SLAIN2: variants seen among roughly 807,000 people sequenced by gnomAD.
SLAIN2 encodes SLAIN family member 2.
In SLAIN2, 31 loss-of-function variants were observed where a neutral mutation model predicts 56.6. The ratio of observed to expected loss-of-function variants is 0.55; its 90% confidence interval spans 0.41 to 0.74. The LOEUF (loss-of-function observed/expected upper bound fraction) is 0.74, where lower values mean the gene tolerates loss of function less well. Ranked by LOEUF, SLAIN2 falls within the 30% of genes least tolerant of loss-of-function variation. The probability of loss-of-function intolerance (pLI) is 0.00; values close to 1 mark genes in which losing one functional copy is unlikely to be tolerated. For missense variants in SLAIN2, 777 were observed against 754.2 expected (o/e 1.03, Z -0.35); for synonymous variants, 317 against 284.9 (o/e 1.11, Z -1.13).
At chr4:48,397,485 G>T (rs1716431598) in intron 6 of SLAIN2, among the ~76,000 whole-genome samples, 1 of 152,148 alleles carries the variant, frequency 6.6e-6, no homozygotes. Context: ...AGACCTTAAT[G>T]ATAAGATTTT....
At chr4:48,377,325 A>G (rs1376226134) in intron 2 of SLAIN2, among the ~76,000 whole-genome samples, 2 of 139,484 alleles carry the variant, frequency 1.4e-5, no homozygotes, top group Admixed American at 1.5e-4. Context: ...ATGCACCACC[A>G]TGCCTGGCTA....
intron 3 of SLAIN2, 25 bp downstream of exon 3, chr4:48,378,085 A>G (rs767512217): frequency 6.2e-7 from 1 of 1,604,514 alleles, no homozygotes; most frequent in Admixed American, 1.8e-5. Flanking sequence ...ATATGGAGCT[A>G]TTAAGGAATG....
chr4:48,363,981 C>T (rs1715431581), intron 1 of SLAIN2, among the ~76,000 whole-genome samples: 2 of 129,474 alleles, frequency 1.5e-5, no homozygotes, highest in South Asian at 2.9e-4. Flanking sequence ...GGCTGACCCC[C>T]CCCACCTCCC....
chr4:48,392,329 A>G (rs1716254622), intron 6 of SLAIN2, among the ~76,000 whole-genome samples: 1 of 152,210 alleles, frequency 6.6e-6, no homozygotes, highest in African/African-American at 2.4e-5. Flanking sequence ...TGTTATTACA[A>G]TCACATGTGA....
chr4:48,395,468 A>AG lies in SLAIN2; in HGVS notation c.1360+11684_1360+11685insG, dbSNP rs1716352564. On this transcript the variant is annotated intron_variant, in intron 6 of 7. Transcript: ENST00000264313. ...TTGAAAAAAAAAAGGAAAAGAAAAA[A>AG]TTTGGTTACGTTTACAAAAGTGCTA... 6.6e-5 allele frequency among the ~76,000 whole-genome samples: 10 copies of AG among 152,192 alleles called. No individual in the cohort carries two copies. The South Asian group carries it at 2.1e-3, about 32-fold the overall frequency.
intron 6 of SLAIN2, among the ~76,000 whole-genome samples, chr4:48,405,639 T>G (rs1349334675): frequency 2.6e-5 from 4 of 152,156 alleles, no homozygotes; most frequent in Admixed American, 6.5e-5. Context: ...TAGTAGTGCT[T>G]CTTTATCCAA....
intron 6 of SLAIN2, among the ~76,000 whole-genome samples, chr4:48,391,654 G>T (rs1014343118): frequency 5.3e-5 from 8 of 152,098 alleles, no homozygotes; most frequent in African/African-American, 1.7e-4. Context: ...AGAGTGAAAA[G>T]GATTAACTAT....
chr4:48,376,456 GAAA>G (rs143849551), intron 2 of SLAIN2, among the ~76,000 whole-genome samples: 59,194 of 127,446 alleles, frequency 0.46, 13,167 homozygotes, highest in African/African-American at 0.58. Context: ...TTGTCTCAGA[GAAA>G]AAAAAAAAAA....
chr4:48,364,429 C>T (rs200843871), intron 1 of SLAIN2, among the ~76,000 whole-genome samples: 2,665 of 34,886 alleles, frequency 0.076, 62 homozygotes, highest in South Asian at 0.16. Flanking sequence ...ACATCCCAGA[C>T]GATGGGCGGC....
intron 2 of SLAIN2, 99 bp downstream of exon 2, chr4:48,370,096 G>A: frequency 8.1e-7 from 1 of 1,232,008 alleles, no homozygotes; most frequent in Non-Finnish European, 1.1e-6. Context: ...ATTCTTTGGA[G>A]CATTTTTCAA....
At chr4:48,369,808 G>A (rs1715616999) in intron 1 of SLAIN2, 41 bp from the exon 2 acceptor site, 20 of 1,588,952 alleles carry the variant, frequency 1.3e-5, no homozygotes, top group Middle Eastern at 1.7e-4. Flanking sequence ...ATAACCTTGT[G>A]CTTAATAAGG....
At chr4:48,359,524 A>G (rs1715258745) in intron 1 of SLAIN2, among the ~76,000 whole-genome samples, 1 of 152,210 alleles carries the variant, frequency 6.6e-6, no homozygotes, top group Admixed American at 6.5e-5. Flanking sequence ...TCCTCTCCCC[A>G]TTATTTACTT....
At position 48,402,024 on chromosome 4, in the gene SLAIN2, T is replaced by C. The variant is rs1002839340; in HGVS notation, c.1361-18101T>C. Among the ~76,000 whole-genome samples, 6 of 152,204 alleles carry C rather than the reference T, an allele frequency of 3.9e-5. No individual in the cohort carries two copies. In the East Asian group the frequency reaches 7.7e-4, roughly 20 times the overall value. ...AAGGATCTTATTTCTCCTTCACTTATGCAGCTTGGTTTAGCCAGATATGAA... is the reference window on the plus strand; with the variant it reads ...AAGGATCTTATTTCTCCTTCACTTACGCAGCTTGGTTTAGCCAGATATGAA... On this transcript the variant is annotated intron_variant, in intron 6 of 7. Transcript: ENST00000264313.
chr4:48,411,378 T>A (rs1053139837), intron 6 of SLAIN2, among the ~76,000 whole-genome samples: 2 of 152,182 alleles, frequency 1.3e-5, no homozygotes, highest in Non-Finnish European at 2.9e-5. Flanking sequence ...AACACTCCTA[T>A]GTTTTTTTCT....
At chr4:48,391,802 TTAAAG>T (rs1716241409) in intron 6 of SLAIN2, among the ~76,000 whole-genome samples, 4 of 152,114 alleles carry the variant, frequency 2.6e-5, no homozygotes, top group Admixed American at 1.3e-4. Flanking sequence ...TAAATGGAAT[TTAAAG>T]TAAGAAAAAT....
chr4:48,382,179 C>T (rs1457857630), intron 4 of SLAIN2, among the ~76,000 whole-genome samples: 2 of 152,104 alleles, frequency 1.3e-5, no homozygotes, highest in Non-Finnish European at 1.5e-5. Context: ...TACTCACATA[C>T]GTATTCTTTT....
At position 48,341,662 on chromosome 4, in the gene SLAIN2, C is replaced by T; in HGVS notation, c.-78C>T. The stretch of plus-strand genomic sequence containing the variant: ...CCTCGGCTAGAGTGAGCGGCGGCGA[C>T]GCCTCTTTCCTCCGTCTCTTTCCCT... On this transcript the variant is annotated 5_prime_UTR_variant, in exon 1 of 8. The change creates a new upstream start codon in the 5' untranslated region. Transcript: ENST00000264313. 4 of 1,482,204 alleles carry T rather than the reference C, an allele frequency of 2.7e-6. No individual in the cohort carries two copies. The highest frequency in any genetic ancestry group is 3.6e-6 in the Non-Finnish European group (4 of 1,116,186). 91.8% of individuals were successfully genotyped at this position (1,482,204 alleles called of 1,614,324 possible). A position where few individuals can be genotyped will look rare whatever the true frequency, so the allele number is the denominator to read the frequency against.
chr4:48,420,274 C>G lies in SLAIN2; in HGVS notation c.1510C>G (p.Pro504Ala). Residue 504 changes from proline to alanine, a missense_variant, in exon 7 of 8, where the codon CCT becomes GCT. Coordinates refer to ENST00000264313, the MANE Select transcript of SLAIN2 (RefSeq NM_020846.2). ...ACAAACCACCTCCTCACCTGGGCCTCCTATGGTTCAGAGCACAGTCTCAGC... is the reference window on the plus strand; with the variant it reads ...ACAAACCACCTCCTCACCTGGGCCTGCTATGGTTCAGAGCACAGTCTCAGC... The part of the protein sequence containing the change: ...LTQTTSSPGP[P>A]MVQSTVSANP... The G allele has an allele frequency of 6.2e-7, 1 of 1,613,930 alleles. No individual in the cohort carries two copies. The highest frequency in any genetic ancestry group is 2.2e-5 in the East Asian group (1 of 44,862).
chr4:48,356,386 A>T (rs1012175071), intron 1 of SLAIN2, among the ~76,000 whole-genome samples: 8 of 152,000 alleles, frequency 5.3e-5, no homozygotes, highest in Non-Finnish European at 7.4e-5. Context: ...GTAGCTGAAA[A>T]GATCTGTACT....
Sources: gnomAD v4.1 joint callset for allele counts (sites outside exome capture counted in the v4.1 genomes callset) on GRCh38, gnomAD v4.1.1 for gene constraint, MANE v1.5 for transcripts, NCBI Gene and HGNC (gene_info 2026-07-23, HGNC 2026-07-21) for gene names.